Variants in CEPT1 observed in about 807,000 individuals in gnomAD.
The protein encoded by CEPT1 is choline/ethanolaminephosphotransferase 1.
A neutral mutation model predicts 42.6 loss-of-function variants in CEPT1; 7 were observed. That is an observed-to-expected ratio of 0.16 (90% CI 0.09 to 0.31). The LOEUF is 0.31. Among genes scored for constraint, CEPT1 ranks in the 10% least tolerant of loss-of-function variants. The pLI is 1.00. For synonymous variants in CEPT1, 171 were observed against 171.9 expected (o/e 0.99, Z 0.04); for missense variants, 306 against 502.1 (o/e 0.61, Z 3.73).
chr1:111,164,848 C>T (rs185321209), intron 4 of CEPT1, among the ~76,000 whole-genome samples: 2 of 151,736 alleles, frequency 1.3e-5, no homozygotes, highest in African/African-American at 4.8e-5. Flanking sequence ...TGGTCTCGAT[C>T]TCCTGACCTC....
Position 111,140,960 on chromosome 1 carries a change from A to T in CEPT1, c.-74+653A>T, listed in dbSNP as rs541984982. ...TTCCCAGAAACACTGCATGAACGGG[A>T]TCTTTAGCCATGTTTAACTTGTTTT... On this transcript the variant is annotated intron_variant, in intron 1 of 8. Coordinates refer to ENST00000357172, the MANE Select transcript of CEPT1 (RefSeq NM_006090.5). 7.2e-5 allele frequency among the ~76,000 whole-genome samples: 11 copies of T among 152,306 alleles called. No individual in the cohort carries two copies. The East Asian group carries it at 2.1e-3, about 29-fold the overall frequency.
chr1:111,183,090 C>CA (rs1173921634), intron 7 of CEPT1, 133 bp downstream of exon 7: 8 of 854,918 alleles, frequency 9.4e-6, no homozygotes, highest in African/African-American at 8.6e-5. Flanking sequence ...CTCTTGATAT[C>CA]AACATGGGAA....
chr1:111,159,665 C>A, intron 3 of CEPT1, 138 bp downstream of exon 3: 1 of 598,004 alleles, frequency 1.7e-6, no homozygotes, highest in Non-Finnish European at 2.6e-6. Context: ...GACTATGAAC[C>A]TAGTTAATAT....
At chr1:111,164,883 A>G (rs1656057498) in intron 4 of CEPT1, among the ~76,000 whole-genome samples, 1 of 151,682 alleles carries the variant, frequency 6.6e-6, no homozygotes, top group South Asian at 2.1e-4. Flanking sequence ...TTGGCCTCCC[A>G]AAGTGCTGGG....
At chr1:111,140,106 C>T (rs1379514357), upstream of CEPT1, 1 of 151,494 alleles carries the variant, frequency 6.6e-6, no homozygotes. Flanking sequence ...AGGGCTGGGC[C>T]ACGGGGCGCG....
chr1:111,167,112 T>C, intron 4 of CEPT1: 1 of 985,296 alleles, frequency 1.0e-6, no homozygotes, highest in Non-Finnish European at 1.2e-6. Context: ...ATAGATTCGA[T>C]GTTACAGAGT....
chr1:111,165,379 A>G (rs966506767), intron 4 of CEPT1, among the ~76,000 whole-genome samples: 1 of 152,062 alleles, frequency 6.6e-6, no homozygotes, highest in Non-Finnish European at 1.5e-5. Flanking sequence ...AAAAAAATCT[A>G]TGCTGTAAAG....
intron 4 of CEPT1, among the ~76,000 whole-genome samples, chr1:111,162,927 A>G (rs1476664247): frequency 6.6e-6 from 1 of 152,218 alleles, no homozygotes; most frequent in Non-Finnish European, 1.5e-5. Context: ...AGGAGAGAAT[A>G]TGGGCTCAAA....
At chr1:111,177,421 T>G (rs1656737436) in intron 5 of CEPT1, among the ~76,000 whole-genome samples, 1 of 152,182 alleles carries the variant, frequency 6.6e-6, no homozygotes, top group South Asian at 2.1e-4. Flanking sequence ...TCAAGAAGTT[T>G]TGGGATTTGT....
intron 2 of CEPT1, among the ~76,000 whole-genome samples, chr1:111,152,715 CT>C (rs576531947): frequency 1.1e-4 from 17 of 152,170 alleles, no homozygotes; most frequent in African/African-American, 3.9e-4. Flanking sequence ...TCCAATTATG[CT>C]TTTTAAGCTG....
At chr1:111,174,280 C>T (rs1037090072) in intron 4 of CEPT1, among the ~76,000 whole-genome samples, 2 of 152,114 alleles carry the variant, frequency 1.3e-5, no homozygotes, top group Admixed American at 1.3e-4. Context: ...AAAGCTAATT[C>T]TTGGCTGCTT....
intron 4 of CEPT1, among the ~76,000 whole-genome samples, chr1:111,173,419 T>A (rs944653668): frequency 1.4e-4 from 22 of 152,184 alleles, no homozygotes; most frequent in African/African-American, 4.8e-4. Flanking sequence ...TGCAAGACAT[T>A]AGTTTCAACC....
rs1329856925 is a variant in CEPT1, at chr1:111,140,255, A to G, written c.-126A>G. The G allele has an allele frequency of 6.6e-6, 1 of 152,334 alleles. No individual in the cohort carries two copies. Among genetic ancestry groups the G allele is most frequent in the African/African-American group, 2.4e-5 (1 of 41,458 alleles). 9.4% of individuals were successfully genotyped at this position (152,334 alleles called of 1,614,324 possible). A position where few individuals can be genotyped will look rare whatever the true frequency, so the allele number is the denominator to read the frequency against. ...ACGTGCTGCCGCCGATCAGTCACCC[A>G]GTCGGCTGGAGTCGGAGGCGATATT... is the stretch of plus-strand genomic sequence containing the variant. On this transcript the variant is annotated 5_prime_UTR_variant, in exon 1 of 9. Coordinates refer to ENST00000357172, the MANE Select transcript of CEPT1 (RefSeq NM_006090.5).
At chr1:111,156,369 G>A (rs1280100318) in intron 2 of CEPT1, among the ~76,000 whole-genome samples, 1 of 152,220 alleles carries the variant, frequency 6.6e-6, no homozygotes, top group Non-Finnish European at 1.5e-5. Flanking sequence ...TGAGAAGAAT[G>A]TGTATTCTGC....
In CEPT1 at chr1:111,159,935, T is replaced by G. The variant is rs112314041; in HGVS notation, c.487+408T>G. 3.2e-3 allele frequency: 495 copies of G among 154,788 alleles called. 3 individuals carry two copies. Among genetic ancestry groups the G allele is most frequent in the Middle Eastern group, 0.016 (5 of 306 alleles). The allele number at this position is 154,788 out of a possible 1,614,324, so 9.6% of individuals were successfully genotyped here. A position where few individuals can be genotyped will look rare whatever the true frequency, so the allele number is the denominator to read the frequency against. On this transcript the variant is annotated intron_variant, in intron 3 of 8. Coordinates refer to ENST00000357172, the MANE Select transcript of CEPT1 (RefSeq NM_006090.5). ...GGATTATAACTACGTCATAAGAAGC[T>G]CAGAGAAAGACTATGACAAATTAGG...
At chr1:111,141,707 T>C (rs1468253179) in intron 1 of CEPT1, among the ~76,000 whole-genome samples, 1 of 152,234 alleles carries the variant, frequency 6.6e-6, no homozygotes, top group East Asian at 1.9e-4. Context: ...AGCCCTGTTT[T>C]TGCTTCCAAG....
intron 2 of CEPT1, among the ~76,000 whole-genome samples, chr1:111,158,272 G>C (rs1185670399): frequency 6.6e-6 from 1 of 152,154 alleles, no homozygotes; most frequent in Non-Finnish European, 1.5e-5. Flanking sequence ...AGAATCTCTT[G>C]AACCCAGGAG....
At chr1:111,183,439 A>G (rs766317436) in intron 7 of CEPT1, 23 bp from the exon 8 acceptor site, 24 of 1,611,504 alleles carry the variant, frequency 1.5e-5, no homozygotes, top group Non-Finnish European at 1.6e-5. Flanking sequence ...GAAAATGCCT[A>G]CGTTATTCTG....
intron 5 of CEPT1, chr1:111,180,503 A>AG (rs1656919245): frequency 1.3e-5 from 2 of 152,216 alleles, no homozygotes; most frequent in Admixed American, 6.5e-5. Context: ...TTGGAGATTT[A>AG]GGGGGAGAAG....
Sources: allele counts gnomAD v4.1 joint callset (sites outside exome capture counted in the v4.1 genomes callset), GRCh38; gene constraint gnomAD v4.1.1; transcripts MANE v1.5; gene names NCBI Gene and HGNC (gene_info 2026-07-23, HGNC 2026-07-21).